GLYATL1: variants seen among roughly 807,000 people sequenced by gnomAD.
GLYATL1 encodes the protein glycine N-acyltransferase-like protein 1.
GLYATL1 carries 15 observed loss-of-function variants against 20.0 expected under a neutral mutation model. The observed-to-expected ratio is 0.75, with a 90% CI of 0.50 to 1.15. GLYATL1 has a LOEUF of 1.15. Among genes scored for constraint, GLYATL1 ranks in the 50% most tolerant of loss-of-function variants. The pLI is 0.00. For missense variants in GLYATL1, 380 were observed against 368.5 expected (o/e 1.03, Z -0.26); for synonymous variants, 151 against 131.5 (o/e 1.15, Z -1.01).
At chr11:58,949,344 G>A (rs1343115188) in intron 4 of GLYATL1, among the ~76,000 whole-genome samples, 1 of 152,146 alleles carries the variant, frequency 6.6e-6, no homozygotes, top group Admixed American at 6.5e-5. Context: ...GGAACAAAGG[G>A]GTAAAGGGGA....
chr11:58,912,859 T>G (rs1855084022), downstream of GLYATL1, among the ~76,000 whole-genome samples: 1 of 152,160 alleles, frequency 6.6e-6, no homozygotes, highest in Non-Finnish European at 1.5e-5. Flanking sequence ...GGGAAATAGA[T>G]TATCCAGGAA....
chr11:58,922,014 T>C (rs1350646431), intron 1 of GLYATL1, among the ~76,000 whole-genome samples: 2 of 152,204 alleles, frequency 1.3e-5, no homozygotes, highest in Admixed American at 1.3e-4. Flanking sequence ...TTTCCCCACA[T>C]TGATTGCCTT....
At chr11:58,910,690 A>G (rs570277466), downstream of GLYATL1, among the ~76,000 whole-genome samples, 1 of 152,330 alleles carries the variant, frequency 6.6e-6, no homozygotes, top group East Asian at 1.9e-4. Context: ...GGGAATAAAA[A>G]TTTAGAAACA....
intron 2 of GLYATL1, 113 bp downstream of exon 2, chr11:58,943,779 C>G: frequency 6.9e-7 from 1 of 1,457,984 alleles, no homozygotes; most frequent in Non-Finnish European, 9.2e-7. Context: ...AGGAAACAGA[C>G]TGGGTCTAGG....
intron 1 of GLYATL1, chr11:58,927,949 C>G (rs1226215979): frequency 1.3e-5 from 2 of 152,168 alleles, no homozygotes; most frequent in Non-Finnish European, 2.9e-5. Flanking sequence ...CCGTGTGTGA[C>G]TGAGCCAGGG....
chr11:58,936,664 A>C (rs1223718353), upstream of GLYATL1, among the ~76,000 whole-genome samples: 1 of 152,244 alleles, frequency 6.6e-6, no homozygotes, highest in Non-Finnish European at 1.5e-5. Context: ...GAAAATATTA[A>C]GGAGCAACAA....
intron 1 of GLYATL1, among the ~76,000 whole-genome samples, chr11:58,914,655 G>A (rs1296118349): frequency 6.6e-6 from 1 of 152,178 alleles, no homozygotes; most frequent in Admixed American, 6.5e-5. Context: ...TTCTGGTCCT[G>A]TGTGCATGGA....
At chr11:58,942,257 G>A (rs1478194729) in intron 1 of GLYATL1, among the ~76,000 whole-genome samples, 1 of 152,166 alleles carries the variant, frequency 6.6e-6, no homozygotes, top group Non-Finnish European at 1.5e-5. Context: ...TTGCTCCAGA[G>A]GGGGACATTA....
chr11:58,907,469 G>C (rs538183330), exon 2 of GLYATL1: 3 of 299,690 alleles, frequency 1.0e-5, no homozygotes, highest in East Asian at 1.1e-4. Context: ...CATGTATTTC[G>C]CTCTTTTTTG....
Position 58,954,788 on chromosome 11 carries a change from G to C in GLYATL1, c.205G>C (p.Asp69His), listed in dbSNP as rs1201149913. Residue 69 changes from aspartate to histidine, a missense_variant, in exon 5 of 7, where the codon GAT (aspartate) becomes CAT (histidine). Coordinates refer to ENST00000532726, the MANE Select transcript of GLYATL1 (RefSeq NM_001389712.2). ...PQKQEMTDDM[D>H]SYTNVYRMFS... ...AATACAGGAGATGACTGATGACATG[G>C]ATTCATACACAAACGTATATCGTAT... The C allele has an allele frequency of 1.2e-6, 2 of 1,606,498 alleles. No individual in the cohort carries two copies. Among genetic ancestry groups the C allele is most frequent in the Non-Finnish European group, 1.7e-6 (2 of 1,177,784 alleles).
At chr11:58,911,502 T>G (rs1206632886), downstream of GLYATL1, among the ~76,000 whole-genome samples, 1 of 152,238 alleles carries the variant, frequency 6.6e-6, no homozygotes, top group African/African-American at 2.4e-5. Flanking sequence ...GCTTTTCTGA[T>G]TCTTTCATTC....
chr11:58,910,478 T>A (rs1855012896), downstream of GLYATL1, among the ~76,000 whole-genome samples: 1 of 152,184 alleles, frequency 6.6e-6, no homozygotes, highest in Non-Finnish European at 1.5e-5. Flanking sequence ...TTTGCACTAA[T>A]CACATATCAA....
intron 1 of GLYATL1, chr11:58,943,317 A>C: frequency 1.3e-6 from 2 of 1,550,872 alleles, no homozygotes; most frequent in Non-Finnish European, 1.7e-6. Context: ...ACTGTGTTCA[A>C]ATAAGGCAAG....
In GLYATL1 at chr11:58,947,912, C is replaced by T; in HGVS notation, c.133C>T (p.Leu45=). The change falls in exon 4 of 7, where the codon CTG becomes TTG. Residue 45 remains leucine, a synonymous_variant. Coordinates refer to ENST00000532726, the MANE Select transcript of GLYATL1 (RefSeq NM_001389712.2). ...CGGGAACCCCTTCAACATGGAGGTG[C>T]TGGTGGATTCCTGGCCTGAATATCA... ...NHGNPFNMEV[L]VDSWPEYQMV... 2 of 1,614,020 alleles carry T rather than the reference C, an allele frequency of 1.2e-6. No individual in the cohort carries two copies. The highest frequency in any genetic ancestry group is 1.7e-6 in the Non-Finnish European group (2 of 1,179,952).
chr11:58,921,805 A>C (rs1413639513), intron 1 of GLYATL1, among the ~76,000 whole-genome samples: 1 of 152,222 alleles, frequency 6.6e-6, no homozygotes, highest in African/African-American at 2.4e-5. Context: ...CAATAAGCTG[A>C]GTAGCATTCA....
intron 1 of GLYATL1, among the ~76,000 whole-genome samples, chr11:58,913,873 T>G (rs2135100132): frequency 6.6e-6 from 1 of 151,924 alleles, no homozygotes; most frequent in East Asian, 1.9e-4. Flanking sequence ...GGTGGGAGGG[T>G]GCTTGTTGAC....
exon 2 of GLYATL1, chr11:58,908,342 A>C (rs1361918934): frequency 6.6e-6 from 1 of 152,658 alleles, no homozygotes; most frequent in African/African-American, 2.4e-5. Context: ...AGTGTTTGAA[A>C]GTGGTTATTT....
At position 58,931,325 on chromosome 11, in the gene GLYATL1, A is replaced by G. The variant is rs146999613; in HGVS notation, c.-212+3496A>G. On this transcript the variant is annotated intron_variant, in intron 1 of 7. Transcript: ENST00000317391. ...GCCCATCCTACTGCAGTGTGATCAC[A>G]TTTTAACTAAGTTTATCAAGAAGAA... 2.8e-4 allele frequency among the ~76,000 whole-genome samples: 43 copies of G among 152,260 alleles called. 2 individuals carry two copies. In the East Asian group the frequency reaches 7.5e-3, roughly 27 times the overall value.
At chr11:58,940,601 T>A (rs1035492670) in intron 1 of GLYATL1, among the ~76,000 whole-genome samples, 4 of 152,228 alleles carry the variant, frequency 2.6e-5, no homozygotes, top group African/African-American at 7.2e-5. Context: ...TAAGTAAATC[T>A]TTAGCAAGCT....
Sources: gnomAD v4.1 joint callset for allele counts (sites outside exome capture counted in the v4.1 genomes callset) on GRCh38, gnomAD v4.1.1 for gene constraint, MANE v1.5 for transcripts, NCBI Gene and HGNC (gene_info 2026-07-23, HGNC 2026-07-21) for gene names.